Variants in PTPN14 observed in about 807,000 individuals in gnomAD.
The protein encoded by PTPN14 is tyrosine-protein phosphatase non-receptor type 14.
Under a neutral mutation model 126.8 loss-of-function variants are expected in PTPN14, and 53 were observed. The ratio of observed to expected loss-of-function variants is 0.42; its 90% CI spans 0.34 to 0.53. The LOEUF is 0.53. PTPN14 is among the 20% of genes least tolerant of loss of function. The pLI is 0.08. For missense variants in PTPN14, 1,257 were observed against 1,552.9 expected, an observed-to-expected ratio of 0.81 and a Z score of 3.20; for synonymous variants, 630 against 599.3, an observed-to-expected ratio of 1.05 and a Z score of -0.75.
At chr1:214,479,604 G>A (rs1319915052) in intron 1 of PTPN14, among the ~76,000 whole-genome samples, 1 of 152,008 alleles carries the variant, frequency 6.6e-6, no homozygotes, top group Non-Finnish European at 1.5e-5. Context: ...CTCCCAAATT[G>A]CTGAGATTAC....
At chr1:214,392,240 C>T (rs182063781) in intron 10 of PTPN14, among the ~76,000 whole-genome samples, 2 of 152,024 alleles carry the variant, frequency 1.3e-5, no homozygotes, top group East Asian at 1.9e-4. Context: ...GAGCGTGCCC[C>T]AGGTTTTAAT....
intron 13 of PTPN14, among the ~76,000 whole-genome samples, chr1:214,378,357 CA>C (rs1328790301): frequency 6.6e-6 from 1 of 152,134 alleles, no homozygotes; most frequent in Non-Finnish European, 1.5e-5. Flanking sequence ...AGACTCCCTA[CA>C]AATACACCCT....
chr1:214,408,565 T>C (rs531661791), intron 5 of PTPN14, among the ~76,000 whole-genome samples: 3 of 149,942 alleles, frequency 2.0e-5, no homozygotes, highest in Non-Finnish European at 4.4e-5. Context: ...CAGATGACAG[T>C]GAAGAAGACA....
chr1:214,542,746 G>T (rs1011549013), intron 1 of PTPN14, among the ~76,000 whole-genome samples: 1 of 152,116 alleles, frequency 6.6e-6, no homozygotes, highest in Non-Finnish European at 1.5e-5. Context: ...AAAATGACTG[G>T]GCCTGTTCAG....
chr1:214,474,666 A>C (rs1428161370), intron 1 of PTPN14, among the ~76,000 whole-genome samples: 2 of 152,178 alleles, frequency 1.3e-5, no homozygotes, highest in Non-Finnish European at 2.9e-5. Context: ...CATAACCCGG[A>C]AGCACTTTCC....
intron 1 of PTPN14, among the ~76,000 whole-genome samples, chr1:214,507,083 T>C (rs1654862975): frequency 6.6e-6 from 1 of 152,138 alleles, no homozygotes; most frequent in African/African-American, 2.4e-5. Flanking sequence ...GTCATAAAAC[T>C]TCTGTGATAT....
At chr1:214,419,059 C>T (rs755985729) in intron 3 of PTPN14, among the ~76,000 whole-genome samples, 5 of 152,166 alleles carry the variant, frequency 3.3e-5, no homozygotes, top group Non-Finnish European at 7.3e-5. Flanking sequence ...GTCAGTATCA[C>T]ACACAGGCGT....
intron 2 of PTPN14, among the ~76,000 whole-genome samples, chr1:214,457,962 C>T (rs940752751): frequency 6.6e-6 from 1 of 151,880 alleles, no homozygotes; most frequent in Non-Finnish European, 1.5e-5. Context: ...AAAGACTTTG[C>T]TATTTTAACT....
Position 214,393,706 on chromosome 1 carries a change from T to G in PTPN14, c.918A>C (p.Lys306Asn). ...AAATGTTTACTTACTCAGTGCAGATTTTGTTTTGTTTGTAAAACTTGTGTC... is the reference window on the plus strand; with the variant it reads ...AAATGTTTACTTACTCAGTGCAGATGTTGTTTTGTTTGTAAAACTTGTGTC... ...ATRHKFYKQN[K>N]ICTEQSNSPP... The change falls in exon 10 of 19, where the codon AAA becomes AAC. Residue 306 changes from lysine (K) to asparagine (N), a missense_variant. Physicochemically the swap from Lys to Asn is moderately conservative, Grantham distance 94. Coordinates refer to ENST00000366956, the MANE Select transcript of PTPN14 (RefSeq NM_005401.5). 1 of 1,585,262 alleles carries G rather than the reference T, an allele frequency of 6.3e-7. No homozygotes were observed. The highest frequency in any genetic ancestry group is 8.7e-7 in the Non-Finnish European group (1 of 1,153,658).
At chr1:214,493,469 G>A (rs1661294325) in intron 1 of PTPN14, among the ~76,000 whole-genome samples, 1 of 152,090 alleles carries the variant, frequency 6.6e-6, no homozygotes, top group Admixed American at 6.5e-5. Flanking sequence ...TGTATTATAT[G>A]CCTGTATCAA....
chr1:214,368,242 CTT>C (rs578015266), intron 17 of PTPN14, among the ~76,000 whole-genome samples: 136 of 80,178 alleles, frequency 1.7e-3, no homozygotes, highest in Non-Finnish European at 3.0e-3. Context: ...GAGTTTTGCT[CTT>C]GTTGCCCAGA....
In PTPN14 at chr1:214,357,109, A is replaced by G. The variant is rs73092358; in HGVS notation, c.*813T>C. 0.055 allele frequency: 8,357 copies of G among 152,330 alleles called. 497 individuals are homozygous for G. Among genetic ancestry groups the G allele is most frequent in the African/African-American group, 0.15 (6,289 of 41,494 alleles). The allele number at this position is 152,330 out of a possible 1,614,324, so 9.4% of individuals were successfully genotyped here. A position where few individuals can be genotyped will look rare whatever the true frequency, so the allele number is the denominator to read the frequency against. ...CCAGACAGGGTCCTACTGAGCAAAC[A>G]GGAGAGGTAGCAACAAATACCCAAG... On this transcript the variant is annotated 3_prime_UTR_variant, in exon 19 of 19. Coordinates refer to ENST00000366956, the MANE Select transcript of PTPN14 (RefSeq NM_005401.5).
intron 1 of PTPN14, among the ~76,000 whole-genome samples, chr1:214,509,393 C>T (rs1654917288): frequency 6.6e-6 from 1 of 152,238 alleles, no homozygotes; most frequent in African/African-American, 2.4e-5. Context: ...AGCTTTTCTT[C>T]TGCAGCTTCC....
intron 7 of PTPN14, 81 bp downstream of exon 7, chr1:214,401,604 C>A (rs1659019977): frequency 8.1e-7 from 1 of 1,231,996 alleles, no homozygotes; most frequent in Non-Finnish European, 1.1e-6. Flanking sequence ...GCCATTCTGG[C>A]CCACTGCTAT....
At chr1:214,508,176 C>T (rs1435525777) in intron 1 of PTPN14, among the ~76,000 whole-genome samples, 4 of 152,180 alleles carry the variant, frequency 2.6e-5, no homozygotes, top group African/African-American at 7.2e-5. Flanking sequence ...AAGTTTGCCA[C>T]ATCAGTTGAC....
intron 3 of PTPN14, among the ~76,000 whole-genome samples, chr1:214,428,409 C>A (rs1467809411): frequency 6.6e-6 from 1 of 152,200 alleles, no homozygotes; most frequent in Non-Finnish European, 1.5e-5. Flanking sequence ...ACCACATAAT[C>A]TTTCATTAAA....
At position 214,383,916 on chromosome 1, in the gene PTPN14, TC is replaced by T; in HGVS notation, c.1938del (p.Met646IlefsTer11). On this transcript the variant is annotated frameshift_variant, in exon 13 of 19. Transcript: ENST00000366956. LOFTEE classifies it high-confidence loss of function. The surrounding 1 kb of genome is among the most constrained non-coding windows in gnomAD (Gnocchi z 4.4). ...GCCTCCATGCCCCGCACCATGCTGT[TC>T]ATCACCTCCAGGCTGTGGCGCTTGT... ...TVNKRHSLEVMNSMVRGMEAM... is the reference protein window; with the variant it reads ...TVNKRHSLEVXNSMVRGMEAM... The T allele has an allele frequency of 1.2e-6, 2 of 1,613,454 alleles. No homozygotes were observed. The highest frequency in any genetic ancestry group is 1.7e-6 in the Non-Finnish European group (2 of 1,180,008).
intron 3 of PTPN14, among the ~76,000 whole-genome samples, chr1:214,442,221 G>A (rs1251991795): frequency 6.6e-6 from 1 of 152,172 alleles, no homozygotes; most frequent in Non-Finnish European, 1.5e-5. Flanking sequence ...GACGAGAAGT[G>A]TTTGGGATTT....
intron 1 of PTPN14, chr1:214,528,140 T>C (rs1655448262): frequency 6.6e-6 from 1 of 152,198 alleles, no homozygotes; most frequent in South Asian, 2.1e-4. Context: ...GTATGTAAAC[T>C]GGGCAATCCT....
Sources: gnomAD v4.1 joint callset for allele counts (sites outside exome capture counted in the v4.1 genomes callset) on GRCh38, gnomAD v4.1.1 for gene constraint, Gnocchi (gnomAD v3.1) non-coding constraint, MANE v1.5 for transcripts, NCBI Gene and HGNC (gene_info 2026-07-23, HGNC 2026-07-21) for gene names.